The following ABCC4 variants were observed in gnomAD, a reference collection of about 807,000 sequenced individuals.
ABCC4 encodes ATP-binding cassette sub-family C member 4.
In ABCC4, 102 loss-of-function variants were observed where a neutral mutation model predicts 168.5. The ratio of observed to expected loss-of-function variants is 0.61; its 90% CI spans 0.52 to 0.71. The LOEUF is 0.71. ABCC4 is among the 30% of genes least tolerant of loss of function. ABCC4 has a pLI of 0.00. For synonymous variants in ABCC4, 617 were observed against 590.7 expected (o/e 1.04, Z -0.65); for missense variants, 1,402 against 1,605.8 (o/e 0.87, Z 2.17).
At chr13:95,293,477 GT>G (rs941033043) in intron 1 of ABCC4, among the ~76,000 whole-genome samples, 1 of 151,476 alleles carries the variant, frequency 6.6e-6, no homozygotes, top group Non-Finnish European at 1.5e-5. Flanking sequence ...CACGGACTAT[GT>G]TTTTTTGAGA....
At chr13:95,030,793 G>A (rs2031846213) in intron 30 of ABCC4, among the ~76,000 whole-genome samples, 1 of 152,224 alleles carries the variant, frequency 6.6e-6, no homozygotes, top group Admixed American at 6.5e-5. Flanking sequence ...AAGCCAGCTA[G>A]TCTGTGCTAC....
chr13:95,294,806 T>C lies in ABCC4; in HGVS notation c.74+6435A>G, dbSNP rs541735957. ...CATCTCTCCTAAAAGTACAAAAAAT[T>C]AGCTGAGCATGGTGGCGCACATCTG... On this transcript the variant is annotated intron_variant, in intron 1 of 30. Transcript: ENST00000645237. 8.4e-4 allele frequency among the ~76,000 whole-genome samples: 127 copies of C among 151,938 alleles called. 1 individual carries two copies. In the Middle Eastern group the frequency reaches 0.02, roughly 24 times the overall value.
chr13:95,180,500 C>T (rs566510198), intron 11 of ABCC4, among the ~76,000 whole-genome samples: 25 of 151,814 alleles, frequency 1.6e-4, no homozygotes, highest in African/African-American at 4.8e-4. Context: ...TTGCAGTGAG[C>T]GAGATCGCAC....
chr13:95,157,537 G>A (rs1237926686), intron 19 of ABCC4, among the ~76,000 whole-genome samples: 1 of 151,604 alleles, frequency 6.6e-6, no homozygotes, highest in Non-Finnish European at 1.5e-5. Flanking sequence ...AAGAAAGGAA[G>A]GAAGAAAAGA....
intron 19 of ABCC4, among the ~76,000 whole-genome samples, chr13:95,141,816 G>A (rs2036327455): frequency 6.6e-6 from 1 of 152,144 alleles, no homozygotes; most frequent in Admixed American, 6.5e-5. Flanking sequence ...GACCAGGCTG[G>A]CCTCAAACTC....
At chr13:95,243,889 C>T (rs1414868888) in intron 3 of ABCC4, among the ~76,000 whole-genome samples, 3 of 111,552 alleles carry the variant, frequency 2.7e-5, no homozygotes, top group East Asian at 2.5e-4. Flanking sequence ...CCACCTCAGA[C>T]GAAAACATAA....
At chr13:95,208,004 T>G in intron 6 of ABCC4, 79 bp from the exon 7 acceptor site, 1 of 1,516,784 alleles carries the variant, frequency 6.6e-7, no homozygotes, top group Non-Finnish European at 8.9e-7. Context: ...GGCAGGGACC[T>G]GCATCACATG....
At chr13:95,072,477 C>T (rs375678750) in intron 24 of ABCC4, among the ~76,000 whole-genome samples, 3 of 151,960 alleles carry the variant, frequency 2.0e-5, no homozygotes, top group African/African-American at 7.2e-5. Context: ...CCCTACCCCC[C>T]AAAAAAGAAT....
intron 20 of ABCC4, among the ~76,000 whole-genome samples, chr13:95,087,297 A>G (rs1184241296): frequency 6.6e-6 from 1 of 152,180 alleles, no homozygotes; most frequent in East Asian, 1.9e-4. Flanking sequence ...AGGTCAAGGC[A>G]GGCAGATTGC....
intron 19 of ABCC4, among the ~76,000 whole-genome samples, chr13:95,151,669 C>T (rs947051247): frequency 4.9e-4 from 75 of 151,958 alleles, no homozygotes; most frequent in African/African-American, 1.5e-3. Flanking sequence ...TCATCATCAT[C>T]ATCATCCACT....
At chr13:95,204,576 A>G (rs2038727826) in intron 8 of ABCC4, among the ~76,000 whole-genome samples, 1 of 152,112 alleles carries the variant, frequency 6.6e-6, no homozygotes, top group Non-Finnish European at 1.5e-5. Flanking sequence ...CCCTTCCGCC[A>G]TGACTGTGAG....
At position 95,294,867 on chromosome 13, in the gene ABCC4, T is replaced by C. The variant is rs957427325; in HGVS notation, c.74+6374A>G. On this transcript the variant is annotated intron_variant, in intron 1 of 30. Coordinates refer to ENST00000645237, the MANE Select transcript of ABCC4 (RefSeq NM_005845.5). ...TATTTGGGAGGCTGAGACAGGAGAA[T>C]CGCTTGAACTCCGGAGGCAGAGGTT... 4.6e-5 allele frequency among the ~76,000 whole-genome samples: 7 copies of C among 152,144 alleles called. No individual in the cohort carries two copies. The East Asian group carries it at 1.4e-3, about 29-fold the overall frequency.
intron 11 of ABCC4, 70 bp from the exon 12 acceptor site, chr13:95,178,161 C>A: frequency 1.4e-6 from 2 of 1,399,214 alleles, no homozygotes; most frequent in African/African-American, 1.4e-5. Flanking sequence ...TCTTTGTGTT[C>A]TTCCAAAGTT....
chr13:95,053,341 A>C (rs1272483008), intron 26 of ABCC4, among the ~76,000 whole-genome samples, 157 bp from the exon 27 acceptor site: 1 of 152,242 alleles, frequency 6.6e-6, no homozygotes, highest in Non-Finnish European at 1.5e-5. Context: ...ATATCTATTA[A>C]TGTTCCACTG....
intron 7 of ABCC4, among the ~76,000 whole-genome samples, chr13:95,207,389 GA>G (rs2139676270): frequency 6.6e-6 from 1 of 152,340 alleles, no homozygotes; most frequent in Admixed American, 6.5e-5. Flanking sequence ...TGTTTGGAAT[GA>G]AAAATACTGA....
At chr13:95,049,056 G>C (rs1037594279) in intron 27 of ABCC4, among the ~76,000 whole-genome samples, 2 of 152,220 alleles carry the variant, frequency 1.3e-5, no homozygotes, top group Non-Finnish European at 2.9e-5. Flanking sequence ...AAAACGAGCA[G>C]GGTGTGGTGG....
chr13:95,299,625 T>C (rs2041623129), intron 1 of ABCC4, among the ~76,000 whole-genome samples: 1 of 152,156 alleles, frequency 6.6e-6, no homozygotes, highest in Non-Finnish European at 1.5e-5. Context: ...TAGTGTATTT[T>C]ATGTATGGCC....
At chr13:95,129,816 T>C (rs1189426) in intron 19 of ABCC4, among the ~76,000 whole-genome samples, 1,897 of 152,256 alleles carry the variant, frequency 0.012, 50 homozygotes, top group East Asian at 0.11. Context: ...GGCTCACACC[T>C]GTAATTCCAG....
intron 1 of ABCC4, among the ~76,000 whole-genome samples, chr13:95,298,444 C>A (rs528382500): frequency 6.6e-6 from 1 of 152,190 alleles, no homozygotes; most frequent in African/African-American, 2.4e-5. Flanking sequence ...TCACCACCCC[C>A]ACCCACACAC....
Sources: gnomAD v4.1 joint callset for allele counts (sites outside exome capture counted in the v4.1 genomes callset) on GRCh38, gnomAD v4.1.1 for gene constraint, MANE v1.5 for transcripts, NCBI Gene and HGNC (gene_info 2026-07-23, HGNC 2026-07-21) for gene names.